MYO3A: variants seen among roughly 807,000 people sequenced by gnomAD.
The protein encoded by MYO3A is myosin IIIA.
Under a neutral mutation model 192.7 loss-of-function variants are expected in MYO3A, and 180 were observed. The observed-to-expected ratio is 0.93, with a 90% CI of 0.83 to 1.06. The LOEUF is 1.06. Ranked by LOEUF, MYO3A falls within the 50% of genes least tolerant of loss-of-function variation. The probability of loss-of-function intolerance (pLI) is 0.00; values close to 1 mark genes in which losing one functional copy is unlikely to be tolerated. For synonymous variants in MYO3A, 628 were observed against 645.3 expected (o/e 0.97, Z 0.41); for missense variants, 1,896 against 1,905.0 (o/e 1.00, Z 0.09).
intron 32 of MYO3A, among the ~76,000 whole-genome samples, chr10:26,196,454 CA>C (rs1843411657): frequency 6.6e-6 from 1 of 152,354 alleles, no homozygotes; most frequent in Admixed American, 6.5e-5. Flanking sequence ...TATTTCCATA[CA>C]TCCTAAGTCA....
At chr10:26,027,704 T>A (rs1299224852) in intron 10 of MYO3A, among the ~76,000 whole-genome samples, 1 of 152,236 alleles carries the variant, frequency 6.6e-6, no homozygotes, top group African/African-American at 2.4e-5. Flanking sequence ...TCCCAGAGAC[T>A]GTCTTCTTTC....
chr10:25,955,400 A>G (rs1257969339), intron 4 of MYO3A, among the ~76,000 whole-genome samples: 1 of 152,176 alleles, frequency 6.6e-6, no homozygotes, highest in East Asian at 1.9e-4. Context: ...TCATTAGACA[A>G]AAATAGTGAG....
At chr10:26,049,650 A>AAGATGAAATTCT (rs1843852091) in intron 10 of MYO3A, among the ~76,000 whole-genome samples, 1 of 116,298 alleles carries the variant, frequency 8.6e-6, no homozygotes, top group African/African-American at 3.1e-5. Flanking sequence ...CAAAGATGAA[A>AAGATGAAATTCT]TTCTTTCTTT....
rs188629466 is a variant in MYO3A at position 25,985,968 on chromosome 10, G to A, written c.304-10522G>A. 7.5e-4 allele frequency among the ~76,000 whole-genome samples: 114 copies of A among 152,230 alleles called. 1 individual carries two copies. Among genetic ancestry groups the A allele is most frequent in the Middle Eastern group, 3.4e-3 (1 of 294 alleles). ...TGCAAAAATCCTCAACAAAATACTA[G>A]CAAACTGAATCCAACAGCATATCAA... is the stretch of plus-strand genomic sequence containing the variant. On this transcript the variant is annotated intron_variant, in intron 4 of 34. Coordinates refer to ENST00000642920, the MANE Select transcript of MYO3A (RefSeq NM_017433.5).
intron 6 of MYO3A, among the ~76,000 whole-genome samples, chr10:26,001,194 A>G (rs996725784): frequency 5.3e-5 from 8 of 152,204 alleles, no homozygotes; most frequent in African/African-American, 1.7e-4. Flanking sequence ...TGAGGAAGCC[A>G]CTCAGAATCT....
At chr10:26,206,249 C>T (rs1843933310) in intron 34 of MYO3A, among the ~76,000 whole-genome samples, 1 of 150,678 alleles carries the variant, frequency 6.6e-6, no homozygotes, top group Admixed American at 6.6e-5. Flanking sequence ...TTGGTAGAGA[C>T]GGGGTTTCAC....
intron 31 of MYO3A, among the ~76,000 whole-genome samples, chr10:26,185,150 G>T (rs186215432): frequency 1.3e-4 from 20 of 152,176 alleles, no homozygotes; most frequent in African/African-American, 4.6e-4. Flanking sequence ...AGACTAGTCA[G>T]CCCTCTGGCT....
At chr10:26,206,729 G>A (rs58939155) in intron 34 of MYO3A, among the ~76,000 whole-genome samples, 2,956 of 152,254 alleles carry the variant, frequency 0.019, 96 homozygotes, top group African/African-American at 0.063. Flanking sequence ...GATTACAGGC[G>A]TGAGCCACCG....
chr10:26,070,924 A>G (rs1403410286), intron 14 of MYO3A, among the ~76,000 whole-genome samples: 1 of 152,138 alleles, frequency 6.6e-6, no homozygotes, highest in Non-Finnish European at 1.5e-5. Context: ...GAAGAGATAT[A>G]ACATGATCAT....
intron 10 of MYO3A, among the ~76,000 whole-genome samples, chr10:26,055,719 T>G (rs962595000): frequency 2.0e-5 from 3 of 152,120 alleles, no homozygotes; most frequent in Non-Finnish European, 4.4e-5. Flanking sequence ...TTTAACATGG[T>G]TTACCCTCCT....
At chr10:26,053,902 TACGATGTTGAAAATGGTGGTTATCCCA>T (rs1844161246) in intron 10 of MYO3A, among the ~76,000 whole-genome samples, 1 of 152,138 alleles carries the variant, frequency 6.6e-6, no homozygotes, top group African/African-American at 2.4e-5. Context: ...AGGGTGGGAT[TACGATGTTGAAAATGGTGGTTATCCCA>T]GACCTCGCAA....
intron 23 of MYO3A, among the ~76,000 whole-genome samples, chr10:26,148,980 G>A (rs553463704): frequency 6.6e-6 from 1 of 151,684 alleles, no homozygotes; most frequent in Non-Finnish European, 1.5e-5. Context: ...CTTTTTTCTT[G>A]GTTGCACTGG....
chr10:26,074,760 T>C (rs1835427283), intron 14 of MYO3A, among the ~76,000 whole-genome samples: 1 of 151,866 alleles, frequency 6.6e-6, no homozygotes, highest in African/African-American at 2.4e-5. Context: ...TCTTATTTTC[T>C]TTCTTTGCTT....
At chr10:26,157,192 T>C (rs1161200135) in intron 25 of MYO3A, 118 bp from the exon 26 acceptor site, 5 of 883,716 alleles carry the variant, frequency 5.7e-6, no homozygotes, top group African/African-American at 1.7e-5. Flanking sequence ...CTGTGACTAA[T>C]GGGAGCATTT....
At chr10:25,994,065 C>T (rs1308330900) in intron 4 of MYO3A, among the ~76,000 whole-genome samples, 1 of 152,024 alleles carries the variant, frequency 6.6e-6, no homozygotes, top group East Asian at 1.9e-4. Flanking sequence ...TCCTGGATAT[C>T]CTTGTTAACT....
At chr10:26,046,745 A>G (rs1344268695) in intron 10 of MYO3A, among the ~76,000 whole-genome samples, 1 of 152,246 alleles carries the variant, frequency 6.6e-6, no homozygotes, top group African/African-American at 2.4e-5. Context: ...CTTTCATATA[A>G]GATTGCATTC....
At chr10:26,057,429 G>A (rs1320875321) in intron 10 of MYO3A, among the ~76,000 whole-genome samples, 1 of 152,152 alleles carries the variant, frequency 6.6e-6, no homozygotes, top group African/African-American at 2.4e-5. Context: ...GAAGTTGGGA[G>A]GGATGTGAAG....
chr10:26,060,043 A>C (rs1260521521), intron 10 of MYO3A, among the ~76,000 whole-genome samples: 1 of 152,170 alleles, frequency 6.6e-6, no homozygotes, highest in Admixed American at 6.5e-5. Flanking sequence ...GGATCACCTG[A>C]AGTCAGGAGT....
intron 10 of MYO3A, among the ~76,000 whole-genome samples, chr10:26,048,125 G>A (rs1843737578): frequency 6.6e-6 from 1 of 152,094 alleles, no homozygotes; most frequent in East Asian, 1.9e-4. Context: ...GTAGTTTTAG[G>A]TCAGAATAAT....
Sources: gnomAD v4.1 joint callset for allele counts (sites outside exome capture counted in the v4.1 genomes callset) on GRCh38, gnomAD v4.1.1 for gene constraint, MANE v1.5 for transcripts, NCBI Gene and HGNC (gene_info 2026-07-23, HGNC 2026-07-21) for gene names.